Variants in ACACB observed in about 807,000 individuals in gnomAD.
ACACB encodes the protein acetyl-CoA carboxylase beta, also known as acetyl-CoA carboxylase 2.
ACACB carries 209 observed loss-of-function variants against 278.8 expected under a neutral mutation model. The observed-to-expected ratio is 0.75, with a 90% CI of 0.67 to 0.84. The LOEUF (loss-of-function observed/expected upper bound fraction) is 0.84, where lower values mean the gene tolerates loss of function less well. ACACB is among the 40% of genes least tolerant of loss of function. ACACB has a pLI of 0.00. For synonymous variants in ACACB, 1,174 were observed against 1,285.6 expected, an observed-to-expected ratio of 0.91 and a Z score of 1.86; for missense variants, 2,850 against 3,269.0, an observed-to-expected ratio of 0.87 and a Z score of 3.13.
At chr12:109,111,634 C>G (rs566075831), upstream of ACACB, among the ~76,000 whole-genome samples, 1 of 151,416 alleles carries the variant, frequency 6.6e-6, no homozygotes, top group African/African-American at 2.4e-5. Flanking sequence ...CGGCTCACTG[C>G]AACCTCTGCC....
At chr12:109,253,709 A>C (rs903602496) in intron 43 of ACACB, among the ~76,000 whole-genome samples, 5 of 152,260 alleles carry the variant, frequency 3.3e-5, no homozygotes, top group African/African-American at 1.2e-4. Context: ...ATTCCTTACA[A>C]ATGAGTGAGG....
At chr12:109,257,366 T>G (rs952149010) in intron 45 of ACACB, among the ~76,000 whole-genome samples, 1 of 151,970 alleles carries the variant, frequency 6.6e-6, no homozygotes, top group Non-Finnish European at 1.5e-5. Context: ...ACACTTTGAT[T>G]TGAAGACTGC....
At chr12:109,223,703 G>A (rs544323072) in intron 26 of ACACB, 112 bp from the exon 27 acceptor site, 25 of 969,560 alleles carry the variant, frequency 2.6e-5, no homozygotes, top group African/African-American at 8.0e-5. Context: ...TTGAGGCTGC[G>A]GTGAGCTATG....
chr12:109,152,631 T>C (rs7315250), intron 2 of ACACB, among the ~76,000 whole-genome samples: 5 of 138,436 alleles, frequency 3.6e-5, no homozygotes, highest in South Asian at 2.2e-4. Context: ...GCCTTTTCTT[T>C]CTTTCTTTCT....
At chr12:109,210,494 CA>C (rs2045800062) in intron 21 of ACACB, among the ~76,000 whole-genome samples, 1 of 144,754 alleles carries the variant, frequency 6.9e-6, no homozygotes, top group South Asian at 2.2e-4. Context: ...TGTATATATA[CA>C]TGTATGTGTA....
chr12:109,247,843 A>T (rs2046990739), intron 40 of ACACB, 140 bp downstream of exon 40: 1 of 662,406 alleles, frequency 1.5e-6, no homozygotes, highest in Non-Finnish European at 2.7e-6. Flanking sequence ...GGGGGCACTG[A>T]TGCCTTAAAC....
At chr12:109,223,152 G>A (rs17848818) in intron 26 of ACACB, among the ~76,000 whole-genome samples, 1 of 152,158 alleles carries the variant, frequency 6.6e-6, no homozygotes, top group Non-Finnish European at 1.5e-5. Context: ...AGCAGTGGGG[G>A]CTCACCTGGT....
chr12:109,249,396 G>A (rs1414534417), intron 40 of ACACB: 1 of 152,252 alleles, frequency 6.6e-6, no homozygotes. Context: ...AGGAAAGGCA[G>A]CTTGCACAAC....
At chr12:109,259,202 C>A in intron 47 of ACACB, 94 bp downstream of exon 47, 1 of 1,432,880 alleles carries the variant, frequency 7.0e-7, no homozygotes, top group Non-Finnish European at 9.5e-7. Context: ...CTAGTCTGTG[C>A]CCATCATCAT....
At chr12:109,138,697 A>G (rs1390692066) in intron 1 of ACACB, among the ~76,000 whole-genome samples, 1 of 152,140 alleles carries the variant, frequency 6.6e-6, no homozygotes, top group African/African-American at 2.4e-5. Context: ...TCTCCACAAA[A>G]ATACAAAAAT....
intron 31 of ACACB, among the ~76,000 whole-genome samples, chr12:109,234,389 G>A (rs2046571451): frequency 6.6e-6 from 1 of 152,090 alleles, no homozygotes; most frequent in Non-Finnish European, 1.5e-5. Context: ...TTTTAAAATG[G>A]CTACTTACAT....
intron 38 of ACACB, 99 bp from the exon 39 acceptor site, chr12:109,246,080 A>G: frequency 7.5e-7 from 1 of 1,339,632 alleles, no homozygotes; most frequent in Non-Finnish European, 1.0e-6. Context: ...ACAGAGCAAG[A>G]CCCTGTATCT....
At chr12:109,249,888 C>T in intron 40 of ACACB, 96 bp from the exon 41 acceptor site, 1 of 1,458,130 alleles carries the variant, frequency 6.9e-7, no homozygotes, top group Non-Finnish European at 9.1e-7. Flanking sequence ...TCCAATCTCT[C>T]ACCTTGCTGC....
intron 28 of ACACB, among the ~76,000 whole-genome samples, chr12:109,230,719 T>C (rs1397834602): frequency 6.6e-6 from 1 of 152,218 alleles, no homozygotes; most frequent in Non-Finnish European, 1.5e-5. Flanking sequence ...CGCGAGCCCC[T>C]GTGCCTGGCC....
rs1180149979 is a variant in ACACB at position 109,209,203 on chromosome 12, G to T, written c.3099G>T (p.Arg1033=). 2 of 1,608,024 alleles carry T rather than the reference G, an allele frequency of 1.2e-6. No individual in the cohort carries two copies. The highest frequency in any genetic ancestry group is 4.5e-5 in the East Asian group (2 of 44,744). Reference sequence around the variant, plus strand: ...TGCAGAAGCTCATGATGACCCTCCGGCACCCGTCACTGCCGCTGCTGGAGC... The same window carrying T: ...TGCAGAAGCTCATGATGACCCTCCGTCACCCGTCACTGCCGCTGCTGGAGC... ...EWVQKLMMTL[R]HPSLPLLELQ... The change falls in exon 21 of 53, where the codon CGG becomes CGT. Residue 1033 remains arginine, a synonymous_variant. Transcript: ENST00000338432.
chr12:109,134,411 C>T (rs1013752201), intron 1 of ACACB, among the ~76,000 whole-genome samples: 4 of 152,148 alleles, frequency 2.6e-5, no homozygotes, highest in African/African-American at 7.2e-5. Flanking sequence ...CGTATGCCCT[C>T]CTTTCCTGGG....
intron 2 of ACACB, among the ~76,000 whole-genome samples, chr12:109,160,089 C>CAAA (rs55905665): frequency 1.1e-5 from 1 of 87,964 alleles, no homozygotes; most frequent in Non-Finnish European, 2.6e-5. Flanking sequence ...GACTCTGTCT[C>CAAA]AAAAAAAAAA....
chr12:109,252,206 A>T lies in ACACB; in HGVS notation c.5901+50A>T, dbSNP rs117806659. 63 of 1,294,120 alleles carry T rather than the reference A, an allele frequency of 4.9e-5. No homozygotes were observed. In the East Asian group the frequency reaches 1.3e-3, roughly 27 times the overall value. The allele number at this position is 1,294,120 out of a possible 1,614,324, so 80.2% of individuals were successfully genotyped here. On this transcript the variant is annotated intron_variant, in intron 42 of 52. Coordinates refer to ENST00000338432, the MANE Select transcript of ACACB (RefSeq NM_001093.4). ...AGTGGATCCTTGGGGGCCAGGAGTCATTTTAACATTCCCATTGGTCTCTGG... is the reference window on the plus strand; with the variant it reads ...AGTGGATCCTTGGGGGCCAGGAGTCTTTTTAACATTCCCATTGGTCTCTGG...
intron 19 of ACACB, among the ~76,000 whole-genome samples, chr12:109,203,146 G>A (rs775641753): frequency 3.3e-5 from 5 of 152,126 alleles, no homozygotes; most frequent in Admixed American, 1.3e-4. Context: ...TTCATTTAGC[G>A]TAACGTCTCC....
Sources: allele counts gnomAD v4.1 joint callset (sites outside exome capture counted in the v4.1 genomes callset), GRCh38; gene constraint gnomAD v4.1.1; transcripts MANE v1.5; gene names NCBI Gene and HGNC (gene_info 2026-07-23, HGNC 2026-07-21).